Variants in XKR4 observed in about 807,000 individuals in gnomAD.
The protein encoded by XKR4 is XK-related protein 4.
XKR4 carries 12 observed loss-of-function variants against 53.9 expected under a neutral mutation model. The observed-to-expected ratio is 0.22, with a 90% CI of 0.14 to 0.36. The LOEUF (loss-of-function observed/expected upper bound fraction) is 0.36. XKR4 is among the 10% of genes least tolerant of loss of function. The pLI is 1.00. For missense variants in XKR4, 799 were observed against 859.5 expected (o/e 0.93, Z 0.88); for synonymous variants, 354 against 362.4 (o/e 0.98, Z 0.26).
At chr8:55,216,517 C>T (rs1356953627) in intron 1 of XKR4, among the ~76,000 whole-genome samples, 1 of 152,134 alleles carries the variant, frequency 6.6e-6, no homozygotes, top group Non-Finnish European at 1.5e-5. Context: ...CACCTGAGGT[C>T]AGGAGTTCGA....
chr8:55,459,287 A>T (rs936761879), intron 2 of XKR4, among the ~76,000 whole-genome samples: 1 of 152,240 alleles, frequency 6.6e-6, no homozygotes, highest in Non-Finnish European at 1.5e-5. Context: ...AAAATAGAAC[A>T]TAGACCTAAA....
At chr8:55,419,377 C>A (rs1245152066) in intron 2 of XKR4, among the ~76,000 whole-genome samples, 1 of 152,184 alleles carries the variant, frequency 6.6e-6, no homozygotes, top group East Asian at 1.9e-4. Flanking sequence ...AAGAGCGAAA[C>A]TCCATCTGGG....
At chr8:55,356,196 C>A (rs562462037) in intron 1 of XKR4, among the ~76,000 whole-genome samples, 4 of 152,138 alleles carry the variant, frequency 2.6e-5, no homozygotes, top group Admixed American at 6.5e-5. Context: ...CATTTTGCAA[C>A]CTTGATTGCA....
At chr8:55,514,186 G>C (rs1806675472) in intron 2 of XKR4, among the ~76,000 whole-genome samples, 1 of 151,430 alleles carries the variant, frequency 6.6e-6, no homozygotes, top group South Asian at 2.1e-4. Flanking sequence ...AAGTAGTGCT[G>C]TGAGAAATAA....
At chr8:55,200,986 C>T (rs1050296175) in intron 1 of XKR4, among the ~76,000 whole-genome samples, 2 of 152,058 alleles carry the variant, frequency 1.3e-5, no homozygotes, top group African/African-American at 4.8e-5. Context: ...AATGTAGGTA[C>T]TACTTATTTG....
At chr8:55,168,375 G>T (rs1457720762) in intron 1 of XKR4, among the ~76,000 whole-genome samples, 1 of 152,164 alleles carries the variant, frequency 6.6e-6, no homozygotes, top group African/African-American at 2.4e-5. Context: ...AATATCATCT[G>T]TCAAATCCTT....
chr8:55,237,462 A>AT (rs1642510952), intron 1 of XKR4, among the ~76,000 whole-genome samples: 1 of 152,234 alleles, frequency 6.6e-6, no homozygotes, highest in Non-Finnish European at 1.5e-5. Context: ...TATACTTGCT[A>AT]TTCATTGAGT....
At chr8:55,415,646 G>A (rs932725055) in intron 2 of XKR4, among the ~76,000 whole-genome samples, 2 of 152,086 alleles carry the variant, frequency 1.3e-5, no homozygotes, top group African/African-American at 4.8e-5. Context: ...TGTTACAGAA[G>A]AATTCCTGGT....
intron 2 of XKR4, among the ~76,000 whole-genome samples, chr8:55,375,135 C>T (rs893903928): frequency 2.6e-5 from 4 of 152,332 alleles, no homozygotes; most frequent in South Asian, 2.1e-4. Flanking sequence ...CTTCACACAG[C>T]GTGTGGCCTT....
chr8:55,472,245 T>A lies in XKR4; in HGVS notation c.1007-51036T>A, dbSNP rs115112405. Among the ~76,000 whole-genome samples, 901 of 152,170 alleles carry A rather than the reference T, an allele frequency of 5.9e-3. 13 individuals carry two copies. The highest frequency in any genetic ancestry group is 0.02 in the African/African-American group (840 of 41,460). On this transcript the variant is annotated intron_variant, in intron 2 of 2. Coordinates refer to ENST00000327381, the MANE Select transcript of XKR4 (RefSeq NM_052898.2). ...ATGGAGGGGATAGGTAGCTCTCAATTTTTTTCCTGCATAAATGATAATCAT... is the reference window on the plus strand; with the variant it reads ...ATGGAGGGGATAGGTAGCTCTCAATATTTTTCCTGCATAAATGATAATCAT...
intron 2 of XKR4, among the ~76,000 whole-genome samples, chr8:55,409,006 CAAAAAAAA>C: frequency 1.5e-5 from 1 of 65,734 alleles, no homozygotes; most frequent in Non-Finnish European, 3.7e-5. Context: ...GACTCCGTCT[CAAAAAAAA>C]AAAAAAAAAA....
intron 1 of XKR4, among the ~76,000 whole-genome samples, chr8:55,315,508 C>G (rs1819459794): frequency 6.6e-6 from 1 of 152,128 alleles, no homozygotes; most frequent in Admixed American, 6.5e-5. Flanking sequence ...AGAGACTCAG[C>G]ACCCGTTTGA....
At chr8:55,451,292 T>C in intron 2 of XKR4, 1 of 590,150 alleles carries the variant, frequency 1.7e-6, no homozygotes, top group Admixed American at 3.0e-5. Context: ...CGGGGTGCAG[T>C]CAGTCTGGAT....
At chr8:55,136,882 A>G (rs1439855523) in intron 1 of XKR4, among the ~76,000 whole-genome samples, 1 of 152,250 alleles carries the variant, frequency 6.6e-6, no homozygotes, top group East Asian at 1.9e-4. Context: ...AACAACTGGC[A>G]TATCCAGAAA....
intron 1 of XKR4, among the ~76,000 whole-genome samples, chr8:55,140,434 G>A (rs1363328493): frequency 6.6e-6 from 1 of 152,334 alleles, no homozygotes; most frequent in East Asian, 1.9e-4. Flanking sequence ...TCCTGTTGCT[G>A]GGGTCCCACA....
At chr8:55,313,262 G>C (rs1302288722) in intron 1 of XKR4, among the ~76,000 whole-genome samples, 1 of 152,162 alleles carries the variant, frequency 6.6e-6, no homozygotes, top group Non-Finnish European at 1.5e-5. Context: ...GAATATTTTA[G>C]GGTAGGATAA....
intron 1 of XKR4, among the ~76,000 whole-genome samples, chr8:55,230,661 C>A (rs1200983312): frequency 1.3e-5 from 2 of 152,218 alleles, no homozygotes; most frequent in East Asian, 3.9e-4. Context: ...AGCCACCGTG[C>A]CCAGCTGGAT....
chr8:55,436,843 C>T (rs1805184190), intron 2 of XKR4, among the ~76,000 whole-genome samples: 1 of 152,114 alleles, frequency 6.6e-6, no homozygotes, highest in South Asian at 2.1e-4. Flanking sequence ...TTGATTGATC[C>T]AAATATCACA....
At chr8:55,127,620 T>C (rs1001119386) in intron 1 of XKR4, among the ~76,000 whole-genome samples, 14 of 151,632 alleles carry the variant, frequency 9.2e-5, no homozygotes, top group African/African-American at 3.2e-4. Context: ...TTAGGGTACA[T>C]GTGCACAACG....
Sources: gnomAD v4.1 joint callset for allele counts (sites outside exome capture counted in the v4.1 genomes callset) on GRCh38, gnomAD v4.1.1 for gene constraint, MANE v1.5 for transcripts, NCBI Gene and HGNC (gene_info 2026-07-23, HGNC 2026-07-21) for gene names.